IL16: variants seen among roughly 807,000 people sequenced by gnomAD.
The protein encoded by IL16 is interleukin 16, also known as pro-interleukin-16.
Under a neutral mutation model 110.1 loss-of-function variants are expected in IL16, and 67 were observed. The observed-to-expected ratio is 0.61, with a 90% CI of 0.50 to 0.75. The LOEUF is 0.75. IL16 is among the 30% of genes least tolerant of loss of function. IL16 has a pLI of 0.00. For missense variants in IL16, 1,545 were observed against 1,655.0 expected (o/e 0.93, Z 1.15); for synonymous variants, 689 against 662.9 (o/e 1.04, Z -0.61).
chr15:81,260,268 G>C (rs1898102939), intron 3 of IL16, among the ~76,000 whole-genome samples: 1 of 152,172 alleles, frequency 6.6e-6, no homozygotes, highest in Non-Finnish European at 1.5e-5. Flanking sequence ...TCAAGAAAAT[G>C]TGAAGAATGC....
upstream of IL16, among the ~76,000 whole-genome samples, chr15:81,193,456 C>T (rs970054108): frequency 2.0e-5 from 3 of 151,934 alleles, no homozygotes; most frequent in African/African-American, 7.3e-5. Flanking sequence ...TTGGCATGTG[C>T]GTGGTATATT....
At chr15:81,274,106 C>G (rs1367963385) in intron 6 of IL16, among the ~76,000 whole-genome samples, 1 of 152,210 alleles carries the variant, frequency 6.6e-6, no homozygotes, top group Non-Finnish European at 1.5e-5. Context: ...GAAGTGACTT[C>G]ATAGCATTTT....
At chr15:81,281,434 A>G (rs1279199837) in intron 8 of IL16, among the ~76,000 whole-genome samples, 5 of 152,224 alleles carry the variant, frequency 3.3e-5, no homozygotes, top group Admixed American at 2.6e-4. Context: ...CCACGGCCCT[A>G]ACACCACCTA....
chr15:81,203,379 G>C (rs1264748924), intron 1 of IL16, among the ~76,000 whole-genome samples: 2 of 152,130 alleles, frequency 1.3e-5, no homozygotes, highest in Non-Finnish European at 2.9e-5. Context: ...TGGTGTTTTA[G>C]ACATGAAGTC....
chr15:81,297,081 A>G lies in IL16; in HGVS notation c.2053+3A>G, dbSNP rs888821075. 6.2e-7 allele frequency: 1 copy of G among 1,606,486 alleles called. No homozygotes were observed. Among genetic ancestry groups the G allele is most frequent in the African/African-American group, 1.3e-5 (1 of 74,540 alleles). On this transcript the variant is annotated splice_donor_region_variant and intron_variant, in intron 13 of 18. Transcript: ENST00000683961. ...AGGGTGGAGAAGAGCCAGCCCAGGT[A>G]AGCTTTCATTGAGATCTTCCAAAAG...
At chr15:81,265,217 G>A (rs1898320380) in intron 3 of IL16, among the ~76,000 whole-genome samples, 1 of 152,138 alleles carries the variant, frequency 6.6e-6, no homozygotes, top group African/African-American at 2.4e-5. Context: ...CAGTCAGATA[G>A]GATCTCCCCT....
intron 1 of IL16, among the ~76,000 whole-genome samples, chr15:81,207,551 G>T (rs1312570887): frequency 6.8e-6 from 1 of 147,354 alleles, no homozygotes; most frequent in Non-Finnish European, 1.5e-5. Flanking sequence ...CATGGTGTCT[G>T]TTGTTCCTCT....
At chr15:81,210,226 T>G (rs1482451883) in intron 1 of IL16, among the ~76,000 whole-genome samples, 2 of 152,220 alleles carry the variant, frequency 1.3e-5, no homozygotes, top group Non-Finnish European at 2.9e-5. Context: ...TTGGTCTGTG[T>G]GTCATTTTCT....
intron 12 of IL16, among the ~76,000 whole-genome samples, chr15:81,295,111 G>T (rs1314366558): frequency 6.6e-6 from 1 of 151,896 alleles, no homozygotes; most frequent in Admixed American, 6.6e-5. Context: ...ACTCTCCCCC[G>T]TGCTTTAAAA....
chr15:81,227,786 G>T (rs1266898655), intron 2 of IL16, among the ~76,000 whole-genome samples: 4 of 151,828 alleles, frequency 2.6e-5, no homozygotes, highest in African/African-American at 9.7e-5. Context: ...CAGAAATGAC[G>T]TGGCTTGGAC....
At chr15:81,262,072 C>A (rs946573552) in intron 3 of IL16, among the ~76,000 whole-genome samples, 2 of 152,186 alleles carry the variant, frequency 1.3e-5, no homozygotes, top group South Asian at 2.1e-4. Flanking sequence ...TCCTGCCCCC[C>A]CGAAAAGAGG....
chr15:81,250,771 A>G (rs1257895594), intron 2 of IL16, among the ~76,000 whole-genome samples: 3 of 152,244 alleles, frequency 2.0e-5, no homozygotes, highest in African/African-American at 7.2e-5. Context: ...TGGGGGGAAG[A>G]TTTTCCTCCT....
chr15:81,273,187 A>G lies in IL16; in HGVS notation c.773A>G (p.Asp258Gly), dbSNP rs1335785478. The change falls in exon 6 of 19, where the codon GAT (aspartate) becomes GGT (glycine). Residue 258 changes from aspartate to glycine, a missense_variant. Physicochemically the swap from Asp to Gly is moderately conservative, Grantham distance 94 (BLOSUM62 -1). Around this residue, in one of 3 missense-constraint regions of IL16, gnomAD observed 1,185 missense variants for 1,238.8 expected, o/e 0.96. Transcript: ENST00000683961. Reference sequence around the variant, plus strand: ...TTTGCAGGGGGAGCAGCAGCAGCCGATGGAAGGCTACAGGAAGGTAGGCTT... The same window carrying G: ...TTTGCAGGGGGAGCAGCAGCAGCCGGTGGAAGGCTACAGGAAGGTAGGCTT... ...TIFAGGAAAA[D>G]GRLQEGDEIL... The G allele has an allele frequency of 6.2e-7, 1 of 1,612,272 alleles. No homozygotes were observed. The highest frequency in any genetic ancestry group is 2.2e-5 in the East Asian group (1 of 44,856).
intron 1 of IL16, among the ~76,000 whole-genome samples, chr15:81,207,821 A>G (rs1184052384): frequency 6.7e-6 from 1 of 149,864 alleles, no homozygotes; most frequent in Non-Finnish European, 1.5e-5. Context: ...TAGTGCCACA[A>G]TGAGCATACA....
intron 3 of IL16, 90 bp downstream of exon 3, chr15:81,259,970 C>A: frequency 1.2e-6 from 1 of 807,128 alleles, no homozygotes; most frequent in South Asian, 1.5e-5. Flanking sequence ...CTCTTCTGGT[C>A]CAGTTGGAGT....
At chr15:81,238,017 C>T (rs1897229701) in intron 2 of IL16, among the ~76,000 whole-genome samples, 1 of 152,086 alleles carries the variant, frequency 6.6e-6, no homozygotes, top group South Asian at 2.1e-4. Flanking sequence ...CAATTCTCTG[C>T]CTCAGCCTTC....
rs1180360345 is a variant in IL16, at chr15:81,313,397, G to T, written c.*4599G>T. ...AGAATGTGACCAGGTTGGTCTTGGT[G>T]GGTTCCCTGTGAAGGCAACAGCAGA... On this transcript the variant is annotated 3_prime_UTR_variant, in exon 19 of 19. Transcript: ENST00000683961. The T allele has an allele frequency of 1.9e-6, 3 of 1,547,232 alleles. No homozygotes were observed. The highest frequency in any genetic ancestry group is 2.6e-6 in the Non-Finnish European group (3 of 1,144,974).
chr15:81,259,738 C>T lies in IL16; in HGVS notation c.313-34C>T, dbSNP rs1182387921. ...GCTAAGCACAAGTTTTCTATTCTAA[C>T]TTGCTGAATAAAAAGACGGCAATTG... On this transcript the variant is annotated intron_variant, in intron 2 of 18. Coordinates refer to ENST00000683961, the MANE Select transcript of IL16 (RefSeq NM_172217.5). 3.4e-6 allele frequency: 5 copies of T among 1,463,950 alleles called. No homozygotes were observed. In the South Asian group the frequency reaches 5.7e-5, roughly 17 times the overall value. The allele number at this position is 1,463,950 out of a possible 1,614,324, so 90.7% of individuals were successfully genotyped here.
At chr15:81,241,693 G>A (rs28648707) in intron 2 of IL16, among the ~76,000 whole-genome samples, 41,321 of 151,826 alleles carry the variant, frequency 0.27, 7,179 homozygotes, top group African/African-American at 0.5. Context: ...ATACAGAGAA[G>A]TCTGTGTATA....
Sources: allele counts gnomAD v4.1 joint callset (sites outside exome capture counted in the v4.1 genomes callset), GRCh38; gene constraint gnomAD v4.1.1; regional missense constraint gnomAD v4.1.1; transcripts MANE v1.5; gene names NCBI Gene and HGNC (gene_info 2026-07-23, HGNC 2026-07-21).